INO80D: variants seen among roughly 807,000 people sequenced by gnomAD.
The protein encoded by INO80D is INO80 complex subunit D.
A neutral mutation model predicts 87.6 loss-of-function variants in INO80D; 21 were observed. The observed-to-expected ratio is 0.24, with a 90% CI of 0.17 to 0.35. INO80D has a LOEUF of 0.35. Ranked by LOEUF, INO80D falls within the 10% of genes least tolerant of loss-of-function variation. The pLI, the probability that INO80D is intolerant of heterozygous loss-of-function variation, is 1.00. For synonymous variants in INO80D, 440 were observed against 491.0 expected, an observed-to-expected ratio of 0.90 and a Z score of 1.37; for missense variants, 982 against 1,280.7, an observed-to-expected ratio of 0.77 and a Z score of 3.56.
chr2:206,052,084 T>C (rs926900158), intron 4 of INO80D, among the ~76,000 whole-genome samples: 3 of 152,218 alleles, frequency 2.0e-5, no homozygotes, highest in Non-Finnish European at 2.9e-5. Context: ...TGTGAGTAAA[T>C]GTGAATCTGC....
chr2:206,044,170 G>T (rs1213828148), intron 5 of INO80D, among the ~76,000 whole-genome samples: 1 of 152,002 alleles, frequency 6.6e-6, no homozygotes, highest in Non-Finnish European at 1.5e-5. Context: ...TCTACTGTGG[G>T]CAACAGCAAG....
intron 4 of INO80D, among the ~76,000 whole-genome samples, chr2:206,055,053 G>T (rs1363768010): frequency 6.6e-6 from 1 of 152,154 alleles, no homozygotes; most frequent in Non-Finnish European, 1.5e-5. Flanking sequence ...TCACAATCTG[G>T]TAATTCATTG....
At chr2:206,042,169 T>G (rs1464392602) in intron 5 of INO80D, among the ~76,000 whole-genome samples, 2 of 152,008 alleles carry the variant, frequency 1.3e-5, no homozygotes, top group Non-Finnish European at 1.5e-5. Flanking sequence ...AATGAAAATG[T>G]ATTAAAATTT....
chr2:206,067,649 C>T (rs375871116), intron 1 of INO80D, among the ~76,000 whole-genome samples: 5 of 151,850 alleles, frequency 3.3e-5, no homozygotes, highest in East Asian at 3.9e-4. Context: ...ATTTAGCTGC[C>T]CTGGATGTTT....
At chr2:206,082,697 C>A (rs563289801) in intron 1 of INO80D, among the ~76,000 whole-genome samples, 27 of 152,302 alleles carry the variant, frequency 1.8e-4, no homozygotes, top group South Asian at 1.2e-3. Flanking sequence ...GAATATTGCT[C>A]TAACTGTATT....
Position 206,072,896 on chromosome 2 carries a change from G to A in INO80D, c.-123-9652C>T, listed in dbSNP as rs534059399. 1.8e-3 allele frequency among the ~76,000 whole-genome samples: 275 copies of A among 148,946 alleles called. 1 individual carries two copies. Among genetic ancestry groups the A allele is most frequent in the African/African-American group, 6.5e-3 (261 of 40,266 alleles). ...CTTGCTCTCTTGTCAAGGCTAGAGTGTACAGTGGCACAATCATAGCAGCCT... is the reference window on the plus strand; with the variant it reads ...CTTGCTCTCTTGTCAAGGCTAGAGTATACAGTGGCACAATCATAGCAGCCT... On this transcript the variant is annotated intron_variant, in intron 1 of 10. Transcript: ENST00000403263.
chr2:206,006,725 A>G (rs1013073652), intron 10 of INO80D, among the ~76,000 whole-genome samples: 3 of 151,940 alleles, frequency 2.0e-5, no homozygotes, highest in Admixed American at 2.0e-4. Context: ...TCTTTGTTCA[A>G]AAATAAAGCA....
At chr2:206,084,752 G>C (rs1690390064) in intron 1 of INO80D, 1 of 152,246 alleles carries the variant, frequency 6.6e-6, no homozygotes, top group Non-Finnish European at 1.5e-5. Context: ...AAAGGGGGTG[G>C]GTACTCAAGC....
chr2:206,043,645 G>T lies in INO80D; in HGVS notation c.1073+2859C>A, dbSNP rs559035320. Among the ~76,000 whole-genome samples, 7 of 151,972 alleles carry T rather than the reference G, an allele frequency of 4.6e-5. No individual in the cohort carries two copies. In the South Asian group the frequency reaches 1.0e-3, roughly 23 times the overall value. On this transcript the variant is annotated intron_variant, in intron 5 of 10. Transcript: ENST00000403263. ...TGGGACTACAGGCACCCGCCACCAG[G>T]CCCAGCTAATTTTTTCTATTTTTAG... is the stretch of plus-strand genomic sequence containing the variant.
intron 3 of INO80D, among the ~76,000 whole-genome samples, chr2:206,060,413 A>G (rs1689655794): frequency 6.6e-6 from 1 of 151,542 alleles, no homozygotes; most frequent in Non-Finnish European, 1.5e-5. Context: ...TGCACCTGTA[A>G]TCCCAGCTAC....
At chr2:206,071,823 T>G (rs1689980159) in intron 1 of INO80D, among the ~76,000 whole-genome samples, 2 of 152,026 alleles carry the variant, frequency 1.3e-5, no homozygotes, top group East Asian at 3.9e-4. Context: ...ATAGGAACTA[T>G]TTTTTCACTT....
chr2:206,073,793 G>T (rs556484503), intron 1 of INO80D, among the ~76,000 whole-genome samples: 1 of 152,286 alleles, frequency 6.6e-6, no homozygotes, highest in South Asian at 2.1e-4. Flanking sequence ...GGGATTACAG[G>T]CCTAAGCCAC....
At chr2:206,051,220 T>C (rs1288840360) in intron 4 of INO80D, among the ~76,000 whole-genome samples, 1 of 149,594 alleles carries the variant, frequency 6.7e-6, no homozygotes, top group Non-Finnish European at 1.5e-5. Flanking sequence ...TGGATATTTC[T>C]TTTCTTTTCT....
At chr2:206,015,365 A>T (rs1419594755) in intron 8 of INO80D, among the ~76,000 whole-genome samples, 1 of 152,170 alleles carries the variant, frequency 6.6e-6, no homozygotes, top group Admixed American at 6.5e-5. Context: ...AGATGGTTTC[A>T]TGGGCCAAAC....
intron 3 of INO80D, among the ~76,000 whole-genome samples, chr2:206,057,911 A>C (rs1689569458): frequency 6.6e-6 from 1 of 152,084 alleles, no homozygotes; most frequent in African/African-American, 2.4e-5. Flanking sequence ...AAAAAAAAAA[A>C]AAAGAGCAAA....
intron 3 of INO80D, among the ~76,000 whole-genome samples, chr2:206,057,783 A>T (rs1457546464): frequency 1.3e-5 from 2 of 152,066 alleles, no homozygotes; most frequent in Non-Finnish European, 1.5e-5. Context: ...ATGTAGCCAA[A>T]TACCACCTGT....
At chr2:206,023,716 A>G (rs1221146707) in intron 6 of INO80D, among the ~76,000 whole-genome samples, 1 of 151,650 alleles carries the variant, frequency 6.6e-6, no homozygotes, top group Non-Finnish European at 1.5e-5. Context: ...GCCAATCACC[A>G]AAGAATGATT....
chr2:206,015,386 C>T (rs985177346), intron 8 of INO80D, among the ~76,000 whole-genome samples: 4 of 152,142 alleles, frequency 2.6e-5, no homozygotes, highest in African/African-American at 7.2e-5. Context: ...CCAGGGCTCC[C>T]GTGCTCTGTG....
chr2:206,052,258 G>C (rs538811473), intron 4 of INO80D, among the ~76,000 whole-genome samples: 142 of 152,236 alleles, frequency 9.3e-4, no homozygotes, highest in Non-Finnish European at 1.8e-3. Flanking sequence ...TGCGATCTCG[G>C]CTCACTGCAA....
Sources: gnomAD v4.1 joint callset for allele counts (sites outside exome capture counted in the v4.1 genomes callset) on GRCh38, gnomAD v4.1.1 for gene constraint, MANE v1.5 for transcripts, NCBI Gene and HGNC (gene_info 2026-07-23, HGNC 2026-07-21) for gene names.